Variants in ZDHHC6 observed in about 807,000 individuals in gnomAD.
The protein encoded by ZDHHC6 is palmitoyltransferase ZDHHC6.
In ZDHHC6, 32 loss-of-function variants were observed where a neutral mutation model predicts 57.8. The ratio of observed to expected loss-of-function variants is 0.55; its 90% CI spans 0.42 to 0.74. The LOEUF is 0.74. Among genes scored for constraint, ZDHHC6 ranks in the 30% least tolerant of loss-of-function variants. The pLI is 0.00. For synonymous variants in ZDHHC6, 128 were observed against 158.0 expected, an observed-to-expected ratio of 0.81 and a Z score of 1.42; for missense variants, 433 against 500.7, an observed-to-expected ratio of 0.86 and a Z score of 1.29.
chr10:112,432,440 A>C lies in ZDHHC6; in HGVS notation c.1027T>G (p.Cys343Gly). The C allele has an allele frequency of 6.2e-7, 1 of 1,614,184 alleles. No homozygotes were observed. The highest frequency in any genetic ancestry group is 1.3e-5 in the African/African-American group (1 of 75,040). Residue 343 changes from cysteine (C) to glycine (G), a missense_variant, in exon 9 of 11, where the codon TGC becomes GGC. Cys to Gly is a radical substitution (Grantham distance 159, BLOSUM62 -3). Transcript: ENST00000369405. ...AGCTGTATTCGAGGCTCTTCGGTGC[A>C]GGGACTTGTGAAGAAGGTTTTGATT... is the stretch of plus-strand genomic sequence containing the variant. ...KGIKTFFTSP[C>G]TEEPRIQLQK...
At position 112,443,192 on chromosome 10, in the gene ZDHHC6, C is replaced by T. The variant is rs183648114; in HGVS notation, c.359+323G>A. 3.1e-3 allele frequency among the ~76,000 whole-genome samples: 468 copies of T among 152,304 alleles called. 1 individual carries two copies. Among genetic ancestry groups the T allele is most frequent in the Non-Finnish European group, 5.3e-3 (363 of 68,026 alleles). On this transcript the variant is annotated intron_variant, in intron 3 of 10. Coordinates refer to ENST00000369405, the MANE Select transcript of ZDHHC6 (RefSeq NM_022494.3). ...ATTCTAAAGTTAGTCCAGATGGCAG[C>T]TGACTAACACAATTAATCTTGATAT...
chr10:112,427,138 T>C, downstream of ZDHHC6: 1 of 1,443,070 alleles, frequency 6.9e-7, no homozygotes. Flanking sequence ...AACCTCACTT[T>C]CTTCACAGAG....
downstream of ZDHHC6, chr10:112,425,608 A>AAAAG (rs1844643587): frequency 1.1e-6 from 1 of 933,420 alleles, no homozygotes; most frequent in Admixed American, 3.7e-5. Context: ...AAAAAAAAAA[A>AAAAG]AAAATGAAGT....
Position 112,430,686 on chromosome 10 carries a change from G to A in ZDHHC6, c.*118C>T. On this transcript the variant is annotated 3_prime_UTR_variant, in exon 11 of 11. Coordinates refer to ENST00000369405, the MANE Select transcript of ZDHHC6 (RefSeq NM_022494.3). ...AAAATATTTAAATCATGGCACTAGG[G>A]CACCTTTGAGGAAAAGAACATCTTA... 1.3e-6 allele frequency: 1 copy of A among 760,806 alleles called. No homozygotes were observed. The highest frequency in any genetic ancestry group is 2.7e-5 in the South Asian group (1 of 37,348). The allele number at this position is 760,806 out of a possible 1,614,324, so 47.1% of individuals were successfully genotyped here. A position where few individuals can be genotyped will look rare whatever the true frequency, so the allele number is the denominator to read the frequency against.
At chr10:112,438,519 T>G (rs1342260688) in intron 5 of ZDHHC6, 130 bp from the exon 6 acceptor site, 2 of 715,828 alleles carry the variant, frequency 2.8e-6, no homozygotes, top group East Asian at 8.6e-5. Flanking sequence ...TAACAGAGGT[T>G]AAGTACCACA....
At chr10:112,447,215 G>C (rs895099132), upstream of ZDHHC6, 4 of 660,484 alleles carry the variant, frequency 6.1e-6, no homozygotes, top group Admixed American at 1.2e-4. Context: ...AGATTGCGAC[G>C]AACAACCAGG....
At chr10:112,439,628 TAAAAAAAAAAAAAAAAAAAA>T (rs869272293) in intron 5 of ZDHHC6, among the ~76,000 whole-genome samples, 102 of 31,304 alleles carry the variant, frequency 3.3e-3, no homozygotes, top group Admixed American at 5.0e-3. Context: ...AGACTCCGTC[TAAAAAAAAAAAAAAAAAAAA>T]AAAAAAAAAA....
intron 6 of ZDHHC6, among the ~76,000 whole-genome samples, chr10:112,436,157 A>G (rs951815158): frequency 3.9e-5 from 6 of 152,226 alleles, no homozygotes; most frequent in Non-Finnish European, 7.3e-5. Context: ...AGAGAAGGGT[A>G]GGAAATTAGG....
intron 5 of ZDHHC6, among the ~76,000 whole-genome samples, chr10:112,439,669 AG>A (rs1564763121): frequency 5.4e-4 from 59 of 108,390 alleles, no homozygotes; most frequent in Middle Eastern, 5.2e-3. Context: ...AAAAAAAAAA[AG>A]AATGAAAAAG....
chr10:112,426,311 A>C, downstream of ZDHHC6: 1 of 1,614,062 alleles, frequency 6.2e-7, no homozygotes, highest in East Asian at 2.2e-5. Context: ...CCTCATTTGC[A>C]GCCAAGCTTG....
chr10:112,425,131 C>T (rs1299578992), exon 12 of ZDHHC6: 3 of 400,446 alleles, frequency 7.5e-6, no homozygotes, highest in East Asian at 3.9e-5. Flanking sequence ...ATTGACTCTC[C>T]ACATAGATAT....
downstream of ZDHHC6, among the ~76,000 whole-genome samples, chr10:112,428,758 G>C (rs1416660884): frequency 1.5e-5 from 2 of 137,826 alleles, no homozygotes; most frequent in East Asian, 4.3e-4. Context: ...GTGAAAGTGT[G>C]AGACTCTGTC....
At chr10:112,432,687 G>A (rs1257489263) in intron 8 of ZDHHC6, among the ~76,000 whole-genome samples, 166 bp from the exon 9 acceptor site, 1 of 152,162 alleles carries the variant, frequency 6.6e-6, no homozygotes, top group Admixed American at 6.5e-5. Context: ...TTCCCTGGGA[G>A]GCAACTAATG....
In ZDHHC6 at chr10:112,432,518, G is replaced by A. The variant is rs145479987; in HGVS notation, c.949C>T (p.Arg317Cys). ...CTATAATCTTCTATTACTTTATAGC[G>A]AACCTGTCGTCAGTGATCAGAAGAA... The part of the protein sequence containing the change: ...QKADKRVRSV[R>C]YKVIEDYSGA... The change falls in exon 9 of 11, where the codon CGC (arginine) becomes TGC (cysteine). Residue 317 changes from arginine (R) to cysteine (C), a missense_variant. By Grantham distance (180) the Arg-to-Cys change is radical. Transcript: ENST00000369405. 2,534 of 1,612,572 alleles carry A rather than the reference G, an allele frequency of 1.6e-3. 2 individuals carry two copies. The highest frequency in any genetic ancestry group is 2.0e-3 in the Non-Finnish European group (2,351 of 1,179,492).
chr10:112,429,045 CTAATTA>C (rs1844850839), downstream of ZDHHC6, among the ~76,000 whole-genome samples: 2 of 152,222 alleles, frequency 1.3e-5, no homozygotes, highest in African/African-American at 4.8e-5. Flanking sequence ...TTGTTGTACT[CTAATTA>C]TAATCTTGAA....
rs772885088 is a variant in ZDHHC6 at position 112,445,170 on chromosome 10, C to T, written c.267G>A (p.Pro89=). 4 of 1,609,202 alleles carry T rather than the reference C, an allele frequency of 2.5e-6. No individual in the cohort carries two copies. The highest frequency in any genetic ancestry group is 1.3e-5 in the African/African-American group (1 of 74,734). Residue 89 remains proline, a splice_region_variant and synonymous_variant, in exon 2 of 11, where the codon CCG becomes CCA. Coordinates refer to ENST00000369405, the MANE Select transcript of ZDHHC6 (RefSeq NM_022494.3). ...CATTGTCTTACAGAATCTTTCTTAC[C>T]GGTTTCCACCCCAGAGGGACAAAGC... ...GPGFVPLGWK[P]EISQDTMYLQ...
downstream of ZDHHC6, among the ~76,000 whole-genome samples, chr10:112,429,532 A>C (rs763055111): frequency 1.3e-5 from 2 of 152,136 alleles, no homozygotes; most frequent in Non-Finnish European, 2.9e-5. Context: ...CAACTATTAC[A>C]GGCCTGGCCC....
chr10:112,434,664 T>G (rs1445008889), intron 6 of ZDHHC6, among the ~76,000 whole-genome samples, 200 bp from the exon 7 acceptor site: 1 of 152,254 alleles, frequency 6.6e-6, no homozygotes. Flanking sequence ...CAGCCTTGTA[T>G]GTGATTACCT....
chr10:112,447,393 G>A (rs760882835), upstream of ZDHHC6: 22 of 1,613,540 alleles, frequency 1.4e-5, no homozygotes, highest in African/African-American at 5.3e-5. Context: ...GACTTCGAAG[G>A]TTACGAGCAG....
Sources: allele counts gnomAD v4.1 joint callset (sites outside exome capture counted in the v4.1 genomes callset), GRCh38; gene constraint gnomAD v4.1.1; transcripts MANE v1.5; gene names NCBI Gene and HGNC (gene_info 2026-07-23, HGNC 2026-07-21).